The following CNTN5 variants were observed in gnomAD, a reference collection of about 807,000 sequenced individuals.
CNTN5 encodes contactin-5.
A neutral mutation model predicts 129.1 loss-of-function variants in CNTN5; 77 were observed. The observed-to-expected ratio is 0.60, with a 90% CI of 0.50 to 0.72. The LOEUF (loss-of-function observed/expected upper bound fraction) is 0.72, where lower values mean the gene tolerates loss of function less well. Among genes scored for constraint, CNTN5 ranks in the 30% least tolerant of loss-of-function variants. The probability of loss-of-function intolerance (pLI) is 0.00; values close to 1 mark genes in which losing one functional copy is unlikely to be tolerated. For synonymous variants in CNTN5, 509 were observed against 465.6 expected, an observed-to-expected ratio of 1.09 and a Z score of -1.20; for missense variants, 1,478 against 1,328.8, an observed-to-expected ratio of 1.11 and a Z score of -1.75.
chr11:99,553,510 T>C (rs570725608), intron 2 of CNTN5, among the ~76,000 whole-genome samples: 1 of 152,046 alleles, frequency 6.6e-6, no homozygotes, highest in Non-Finnish European at 1.5e-5. Flanking sequence ...TTCAGAATCT[T>C]AAATATTATT....
intron 3 of CNTN5, among the ~76,000 whole-genome samples, chr11:99,626,504 TC>T (rs1214098056): frequency 2.0e-5 from 3 of 152,126 alleles, no homozygotes; most frequent in Non-Finnish European, 2.9e-5. Context: ...ATCCCTCAAG[TC>T]CAGTGCAAAT....
intron 1 of CNTN5, among the ~76,000 whole-genome samples, chr11:99,059,973 C>T (rs1251994747): frequency 6.6e-6 from 1 of 151,966 alleles, no homozygotes; most frequent in Non-Finnish European, 1.5e-5. Flanking sequence ...AATTCAAATG[C>T]AATTTCATAG....
intron 1 of CNTN5, among the ~76,000 whole-genome samples, chr11:99,102,030 C>T (rs1866759917): frequency 6.6e-6 from 1 of 152,154 alleles, no homozygotes; most frequent in South Asian, 2.1e-4. Context: ...GTTCCCAAAC[C>T]TCAATTCTTG....
intron 3 of CNTN5, among the ~76,000 whole-genome samples, chr11:99,806,939 A>G (rs566237096): frequency 6.6e-6 from 1 of 152,276 alleles, no homozygotes; most frequent in Non-Finnish European, 1.5e-5. Context: ...CTATTATCAA[A>G]TTGGAAGCAA....
intron 1 of CNTN5, among the ~76,000 whole-genome samples, chr11:99,161,398 T>G (rs777576238): frequency 2.0e-5 from 3 of 152,120 alleles, no homozygotes; most frequent in Admixed American, 6.6e-5. Context: ...CCACTTTTTT[T>G]TTAATTCTAG....
At chr11:99,563,683 T>C (rs1219365690) in intron 3 of CNTN5, among the ~76,000 whole-genome samples, 1 of 152,230 alleles carries the variant, frequency 6.6e-6, no homozygotes, top group African/African-American at 2.4e-5. Flanking sequence ...TTATTTGGCC[T>C]TACTCACATT....
At chr11:99,988,740 C>T (rs1472030961) in intron 8 of CNTN5, among the ~76,000 whole-genome samples, 1 of 152,076 alleles carries the variant, frequency 6.6e-6, no homozygotes, top group African/African-American at 2.4e-5. Flanking sequence ...ATGAATTCCC[C>T]ACCAGTGTGG....
chr11:99,429,039 C>T (rs1324461045), intron 2 of CNTN5, among the ~76,000 whole-genome samples: 1 of 152,012 alleles, frequency 6.6e-6, no homozygotes, highest in African/African-American at 2.4e-5. Flanking sequence ...CTTATAATAT[C>T]TAGCAGATAT....
intron 18 of CNTN5, among the ~76,000 whole-genome samples, chr11:100,272,714 C>CGG (rs977919922): frequency 6.6e-6 from 1 of 152,060 alleles, no homozygotes; most frequent in Non-Finnish European, 1.5e-5. Flanking sequence ...GACCCCTACG[C>CGG]GGGGCTACAG....
intron 2 of CNTN5, among the ~76,000 whole-genome samples, chr11:99,417,956 G>C (rs1942732842): frequency 6.6e-6 from 1 of 152,122 alleles, no homozygotes; most frequent in South Asian, 2.1e-4. Context: ...AGTTACTCTT[G>C]TAAATTTAAG....
chr11:99,043,972 G>T (rs1472202948), intron 1 of CNTN5, among the ~76,000 whole-genome samples: 1 of 152,038 alleles, frequency 6.6e-6, no homozygotes, highest in African/African-American at 2.4e-5. Flanking sequence ...GTAGTCCACT[G>T]GTTATTCAGT....
At chr11:99,473,519 A>G (rs561465039) in intron 2 of CNTN5, among the ~76,000 whole-genome samples, 4 of 151,984 alleles carry the variant, frequency 2.6e-5, no homozygotes, top group Non-Finnish European at 4.4e-5. Flanking sequence ...ATTCTCTTCT[A>G]TGGGAGTTAG....
At chr11:99,627,428 G>A (rs1951170952) in intron 3 of CNTN5, among the ~76,000 whole-genome samples, 1 of 149,438 alleles carries the variant, frequency 6.7e-6, no homozygotes, top group African/African-American at 2.5e-5. Context: ...CATGATTAAT[G>A]TTACGAAATG....
intron 6 of CNTN5, among the ~76,000 whole-genome samples, chr11:99,878,367 T>G (rs993951219): frequency 1.3e-5 from 2 of 152,190 alleles, no homozygotes; most frequent in African/African-American, 4.8e-5. Context: ...ACTAATGGCA[T>G]GTGAGAGAAG....
At chr11:99,145,691 T>C (rs923550104) in intron 1 of CNTN5, among the ~76,000 whole-genome samples, 1 of 152,142 alleles carries the variant, frequency 6.6e-6, no homozygotes, top group Non-Finnish European at 1.5e-5. Context: ...GTAAAAGACA[T>C]GTCAGCTCAA....
rs78824474 is a variant in CNTN5, at chr11:99,216,474, T to C, written c.-209-108872T>C. Among the ~76,000 whole-genome samples the C allele has an allele frequency of 6.7e-3, 1,026 of 152,256 alleles. 9 individuals carry two copies. Among genetic ancestry groups the C allele is most frequent in the African/African-American group, 0.023 (951 of 41,544 alleles). ...TACAGTAAGCCTGGGAGTGCCGATA[T>C]CTCTTAGATACATTCGTTGCTTTTC... On this transcript the variant is annotated intron_variant, in intron 1 of 24. Transcript: ENST00000524871.
At chr11:100,299,885 T>G (rs774822917) in intron 20 of CNTN5, among the ~76,000 whole-genome samples, 2 of 151,484 alleles carry the variant, frequency 1.3e-5, no homozygotes, top group Non-Finnish European at 3.0e-5. Context: ...AACACATCAT[T>G]AAATCCTATG....
At chr11:100,338,597 G>A (rs1952086575) in intron 21 of CNTN5, among the ~76,000 whole-genome samples, 1 of 152,190 alleles carries the variant, frequency 6.6e-6, no homozygotes, top group African/African-American at 2.4e-5. Context: ...CCCTTCATCA[G>A]ACTTGTGACA....
chr11:99,618,500 T>G (rs1179262566), intron 3 of CNTN5, among the ~76,000 whole-genome samples: 1 of 152,132 alleles, frequency 6.6e-6, no homozygotes, highest in African/African-American at 2.4e-5. Flanking sequence ...ATAACCAAAT[T>G]TAACTGTTCT....
Sources: allele counts gnomAD v4.1 joint callset (sites outside exome capture counted in the v4.1 genomes callset), GRCh38; gene constraint gnomAD v4.1.1; transcripts MANE v1.5; gene names NCBI Gene and HGNC (gene_info 2026-07-23, HGNC 2026-07-21).